The following DPF3 variants were observed in gnomAD, a reference collection of about 807,000 sequenced individuals.
DPF3 encodes double PHD fingers 3.
In DPF3, 18 loss-of-function variants were observed where a neutral mutation model predicts 56.8. That is an observed-to-expected ratio of 0.32 (90% CI 0.22 to 0.47). The LOEUF is 0.47. DPF3 is among the 20% of genes least tolerant of loss of function. The probability of loss-of-function intolerance (pLI) is 1.00; values close to 1 mark genes in which losing one functional copy is unlikely to be tolerated. For missense variants in DPF3, 403 were observed against 488.8 expected (o/e 0.82, Z 1.65); for synonymous variants, 188 against 180.2 (o/e 1.04, Z -0.35).
Position 72,662,003 on chromosome 14 carries a change from C to CT in DPF3, c.871+12236dup, listed in dbSNP as rs1338236121. 12 of 984,932 alleles carry CT rather than the reference C, an allele frequency of 1.2e-5. No homozygotes were observed. The Admixed American group carries it at 7.4e-4, about 61-fold the overall frequency. 61.0% of individuals were successfully genotyped at this position (984,932 alleles called of 1,614,324 possible). ...GACATGATAACTAGGAGGCAGGCTG[C>CT]TTCTGACATTCAGATAAAAGGGGCT... On this transcript the variant is annotated intron_variant, in intron 8 of 10. Transcript: ENST00000556509.
chr14:72,634,047 G>A (rs557499029), intron 8 of DPF3, among the ~76,000 whole-genome samples: 3 of 152,262 alleles, frequency 2.0e-5, no homozygotes, highest in African/African-American at 7.2e-5. Flanking sequence ...CGAAGCAAGG[G>A]AGCTAAGTTC....
At chr14:72,764,943 G>A (rs1891214674) in intron 2 of DPF3, among the ~76,000 whole-genome samples, 1 of 152,146 alleles carries the variant, frequency 6.6e-6, no homozygotes, top group African/African-American at 2.4e-5. Context: ...CTTAGTCTGT[G>A]GAATCTGACG....
At chr14:72,884,474 G>T (rs1362617930) in intron 1 of DPF3, among the ~76,000 whole-genome samples, 1 of 152,160 alleles carries the variant, frequency 6.6e-6, no homozygotes, top group African/African-American at 2.4e-5. Flanking sequence ...CCTCACATTT[G>T]CACTTTCCAC....
At chr14:72,866,698 A>G (rs1405153185) in intron 1 of DPF3, among the ~76,000 whole-genome samples, 1 of 150,528 alleles carries the variant, frequency 6.6e-6, no homozygotes, top group African/African-American at 2.4e-5. Context: ...CTCTACTAAA[A>G]ATACAAAATT....
chr14:72,816,415 C>T (rs76510330), intron 1 of DPF3, among the ~76,000 whole-genome samples: 14,214 of 152,276 alleles, frequency 0.093, 823 homozygotes, highest in Admixed American at 0.18. Flanking sequence ...CTCCACCCCA[C>T]ATTCTCCAAC....
chr14:72,634,181 T>C (rs887322378), intron 8 of DPF3, among the ~76,000 whole-genome samples: 2 of 152,164 alleles, frequency 1.3e-5, no homozygotes, highest in African/African-American at 4.8e-5. Context: ...GGGAGGGAAA[T>C]ACTATTGTAA....
intron 7 of DPF3, among the ~76,000 whole-genome samples, chr14:72,692,412 C>T (rs1887729575): frequency 6.6e-6 from 1 of 152,124 alleles, no homozygotes; most frequent in Non-Finnish European, 1.5e-5. Context: ...CTTTGGATTC[C>T]CTAATTCATA....
rs555691108 is a variant in DPF3 at position 72,694,110 on chromosome 14, T to C, written c.605-897A>G. Among the ~76,000 whole-genome samples the C allele has an allele frequency of 3.9e-5, 6 of 152,328 alleles. No individual in the cohort carries two copies. The South Asian group carries it at 1.2e-3, about 32-fold the overall frequency. ...AAGGGCAGCAGTTCTGTTGGTTAGA[T>C]GCTCAGTTCCTGGGAAGCAGAAGTC... On this transcript the variant is annotated intron_variant, in intron 6 of 10. Coordinates refer to ENST00000556509, the MANE Select transcript of DPF3 (RefSeq NM_001280542.3).
intron 1 of DPF3, among the ~76,000 whole-genome samples, chr14:72,893,127 G>A (rs1001731638): frequency 6.6e-6 from 1 of 152,162 alleles, no homozygotes; most frequent in African/African-American, 2.4e-5. Flanking sequence ...CCAGGATCTG[G>A]GCAAGCGCTC....
In DPF3 at chr14:72,835,965, G is replaced by T. The variant is rs1036396971; in HGVS notation, c.32+58092C>A. 12 of 851,634 alleles carry T rather than the reference G, an allele frequency of 1.4e-5. No individual in the cohort carries two copies. The African/African-American group carries it at 2.0e-4, about 14-fold the overall frequency. The allele number at this position is 851,634 out of a possible 1,614,324, so 52.8% of individuals were successfully genotyped here. ...TCGACACCTAAAACCTGTGCGTTGT[G>T]TTCAAGATACACCCGCCGGAGACCA... On this transcript the variant is annotated intron_variant, in intron 1 of 10. Coordinates refer to ENST00000556509, the MANE Select transcript of DPF3 (RefSeq NM_001280542.3).
In DPF3 at chr14:72,727,295, C is replaced by T. The variant is rs368197321; in HGVS notation, c.430-3567G>A. Among the ~76,000 whole-genome samples the T allele has an allele frequency of 9.8e-5, 15 of 152,294 alleles. No homozygotes were observed. In the East Asian group the frequency reaches 2.1e-3, roughly 22 times the overall value. On this transcript the variant is annotated intron_variant, in intron 4 of 10. Coordinates refer to ENST00000556509, the MANE Select transcript of DPF3 (RefSeq NM_001280542.3). Reference sequence around the variant, plus strand: ...AGGGTTGAGGTTAAATCCCTCAACTCGACCAGATGCGGTGGCTCACGCCTG... The same window carrying T: ...AGGGTTGAGGTTAAATCCCTCAACTTGACCAGATGCGGTGGCTCACGCCTG...
chr14:72,726,762 G>A (rs572167903), intron 4 of DPF3, among the ~76,000 whole-genome samples: 24 of 152,070 alleles, frequency 1.6e-4, no homozygotes, highest in Non-Finnish European at 2.8e-4. Flanking sequence ...ACATTATCTG[G>A]AAAATAAACA....
At chr14:72,851,401 CA>C (rs1398720225) in intron 1 of DPF3, among the ~76,000 whole-genome samples, 2 of 152,206 alleles carry the variant, frequency 1.3e-5, no homozygotes, top group African/African-American at 4.8e-5. Flanking sequence ...TCTTAACTCA[CA>C]CGGCACTATC....
intron 1 of DPF3, 116 bp downstream of exon 1, chr14:72,893,941 G>T: frequency 1.7e-6 from 2 of 1,205,418 alleles, no homozygotes; most frequent in Non-Finnish European, 2.4e-6. Flanking sequence ...GAGAAGCCCC[G>T]CCGCGGCTGG....
At chr14:72,729,204 C>T (rs535161238) in intron 4 of DPF3, among the ~76,000 whole-genome samples, 1 of 152,236 alleles carries the variant, frequency 6.6e-6, no homozygotes, top group East Asian at 1.9e-4. Context: ...GCCGAGATTG[C>T]ACCACTTCAC....
intron 5 of DPF3, 23 bp downstream of exon 5, chr14:72,723,610 C>A (rs989144475): frequency 9.0e-6 from 14 of 1,548,450 alleles, no homozygotes; most frequent in Non-Finnish European, 1.2e-5. Flanking sequence ...TCTCTTTCCT[C>A]GCTCATGTCA....
chr14:72,637,552 C>A (rs1407392818), intron 8 of DPF3, among the ~76,000 whole-genome samples: 1 of 152,210 alleles, frequency 6.6e-6, no homozygotes, highest in Non-Finnish European at 1.5e-5. Flanking sequence ...AAACCCCTGC[C>A]CTCAATTTAC....
intron 7 of DPF3, among the ~76,000 whole-genome samples, chr14:72,676,107 A>G (rs111680261): frequency 0.038 from 5,833 of 152,286 alleles, 186 homozygotes; most frequent in South Asian, 0.13. Flanking sequence ...TTTCCTCAAC[A>G]AGATATGGAT....
chr14:72,759,005 A>G (rs1056453760), intron 2 of DPF3, among the ~76,000 whole-genome samples: 2 of 152,198 alleles, frequency 1.3e-5, no homozygotes, highest in African/African-American at 4.8e-5. Context: ...ATTGAAACCA[A>G]CCCAGAACTG....
Sources: allele counts gnomAD v4.1 joint callset (sites outside exome capture counted in the v4.1 genomes callset), GRCh38; gene constraint gnomAD v4.1.1; transcripts MANE v1.5; gene names NCBI Gene and HGNC (gene_info 2026-07-23, HGNC 2026-07-21).